The following CNTNAP5 variants were observed in gnomAD, a reference collection of about 807,000 sequenced individuals.
CNTNAP5 encodes contactin associated protein family member 5.
A neutral mutation model predicts 150.2 loss-of-function variants in CNTNAP5; 72 were observed. The ratio of observed to expected loss-of-function variants is 0.48; its 90% CI spans 0.40 to 0.58. The LOEUF (loss-of-function observed/expected upper bound fraction) is 0.58, where lower values mean the gene tolerates loss of function less well. Among genes scored for constraint, CNTNAP5 ranks in the 20% least tolerant of loss-of-function variants. CNTNAP5 has a pLI of 0.00. For missense variants in CNTNAP5, 1,636 were observed against 1,626.2 expected, an observed-to-expected ratio of 1.01 and a Z score of -0.10; for synonymous variants, 672 against 619.8, an observed-to-expected ratio of 1.08 and a Z score of -1.25.
At chr2:124,044,125 G>A (rs1189422665) in intron 1 of CNTNAP5, among the ~76,000 whole-genome samples, 1 of 152,168 alleles carries the variant, frequency 6.6e-6, no homozygotes, top group Non-Finnish European at 1.5e-5. Flanking sequence ...TGCAATCAAT[G>A]AGAAGAATTA....
intron 1 of CNTNAP5, among the ~76,000 whole-genome samples, chr2:124,162,535 C>T (rs995504565): frequency 6.6e-6 from 1 of 152,072 alleles, no homozygotes; most frequent in South Asian, 2.1e-4. Flanking sequence ...GCAGATAAAA[C>T]CCTTATCATT....
chr2:124,414,703 A>ATGTGTGTATGTG (rs1691872230), intron 3 of CNTNAP5, among the ~76,000 whole-genome samples: 3 of 149,316 alleles, frequency 2.0e-5, no homozygotes. Context: ...TTGTTTTAAG[A>ATGTGTGTATGTG]TGTGTGTATG....
chr2:124,727,517 G>A (rs1435340323), intron 13 of CNTNAP5, among the ~76,000 whole-genome samples: 1 of 151,904 alleles, frequency 6.6e-6, no homozygotes, highest in Admixed American at 6.6e-5. Context: ...AGTATTCAGT[G>A]TACAGGTCTT....
In CNTNAP5 at chr2:124,758,219, G is replaced by A. The variant is rs181044442; in HGVS notation, c.2235-5453G>A. ...AAATTGTTAATTAAGAGTGAGGGAG[G>A]AAGTAAGAAAGAAATGAAGACTCTT... On this transcript the variant is annotated intron_variant, in intron 14 of 23. Coordinates refer to ENST00000682447, the MANE Select transcript of CNTNAP5 (RefSeq NM_001367498.1). 2.2e-4 allele frequency among the ~76,000 whole-genome samples: 34 copies of A among 151,838 alleles called. No homozygotes were observed. The Middle Eastern group carries it at 0.01, about 46-fold the overall frequency.
At chr2:124,460,650 G>A (rs143050248) in intron 6 of CNTNAP5, among the ~76,000 whole-genome samples, 2 of 152,182 alleles carry the variant, frequency 1.3e-5, no homozygotes, top group African/African-American at 4.8e-5. Flanking sequence ...TTATTTCTGT[G>A]AATTATAAAT....
chr2:124,496,434 T>C (rs948734687), intron 7 of CNTNAP5, among the ~76,000 whole-genome samples: 3 of 152,252 alleles, frequency 2.0e-5, no homozygotes, highest in South Asian at 2.1e-4. Flanking sequence ...AAATGCTTGA[T>C]TGGCTTTGTT....
chr2:124,803,100 G>C (rs956566616), intron 19 of CNTNAP5, among the ~76,000 whole-genome samples: 2 of 147,054 alleles, frequency 1.4e-5, no homozygotes, highest in Non-Finnish European at 3.0e-5. Context: ...GGGCGACAGA[G>C]CAAGACTCCT....
rs1003926519 is a variant in CNTNAP5, at chr2:124,743,583, A to C, written c.2078-3646A>C. On this transcript the variant is annotated intron_variant, in intron 13 of 23. Transcript: ENST00000682447. ...ACTTGCAGGGAGGTCATGGTGGTGC[A>C]GACAGCATGTCGACTGAATCCGTCT... Among the ~76,000 whole-genome samples the C allele has an allele frequency of 2.6e-5, 4 of 152,174 alleles. 1 individual carries two copies. Among genetic ancestry groups the C allele is most frequent in the Non-Finnish European group, 4.4e-5 (3 of 68,034 alleles).
At chr2:124,047,693 G>T (rs1681574894) in intron 1 of CNTNAP5, among the ~76,000 whole-genome samples, 1 of 152,182 alleles carries the variant, frequency 6.6e-6, no homozygotes. Flanking sequence ...GCATGAAAAA[G>T]TGCAGTCAGT....
intron 1 of CNTNAP5, among the ~76,000 whole-genome samples, chr2:124,206,787 AG>A (rs1312909793): frequency 6.6e-6 from 1 of 152,186 alleles, no homozygotes; most frequent in Non-Finnish European, 1.5e-5. Context: ...GAAAATCAAA[AG>A]CTGTTTCCTG....
intron 2 of CNTNAP5, among the ~76,000 whole-genome samples, chr2:124,228,488 G>A (rs906614426): frequency 1.3e-5 from 2 of 152,050 alleles, no homozygotes; most frequent in African/African-American, 4.8e-5. Context: ...TAAAACTTGG[G>A]GGTTATACCT....
At chr2:124,777,691 A>C (rs1681355476) in intron 17 of CNTNAP5, among the ~76,000 whole-genome samples, 3 of 150,790 alleles carry the variant, frequency 2.0e-5, no homozygotes, top group African/African-American at 7.3e-5. Context: ...TTTGTCTACA[A>C]CTTCTTCTGC....
At chr2:124,053,954 T>G (rs1476322011) in intron 1 of CNTNAP5, among the ~76,000 whole-genome samples, 2 of 152,166 alleles carry the variant, frequency 1.3e-5, no homozygotes, top group African/African-American at 4.8e-5. Flanking sequence ...GTGGCAGGCC[T>G]TGGAACCCAT....
At chr2:124,735,467 T>A (rs991699645) in intron 13 of CNTNAP5, among the ~76,000 whole-genome samples, 1 of 152,086 alleles carries the variant, frequency 6.6e-6, no homozygotes, top group East Asian at 1.9e-4. Flanking sequence ...GTTTTTTAGA[T>A]AAATCAATAG....
At position 124,703,932 on chromosome 2, in the gene CNTNAP5, T is replaced by C. The variant is rs77182718; in HGVS notation, c.2078-43297T>C. 9.1e-3 allele frequency among the ~76,000 whole-genome samples: 1,391 copies of C among 152,226 alleles called. 16 individuals carry two copies. The highest frequency in any genetic ancestry group is 0.033 in the East Asian group (171 of 5,172). On this transcript the variant is annotated intron_variant, in intron 13 of 23. Transcript: ENST00000682447. ...GGGGTTTAAAGAAAGTGTCCTAGAT[T>C]TAGATATGAGTTTTTAAATTTCCAT...
intron 17 of CNTNAP5, among the ~76,000 whole-genome samples, chr2:124,786,850 T>C (rs1479454454): frequency 1.3e-5 from 2 of 152,184 alleles, no homozygotes; most frequent in Admixed American, 6.5e-5. Flanking sequence ...ATTATTCTCT[T>C]TATAAAGAAA....
At chr2:124,855,178 T>G (rs1677341533) in intron 19 of CNTNAP5, among the ~76,000 whole-genome samples, 3 of 90,454 alleles carry the variant, frequency 3.3e-5, no homozygotes, top group African/African-American at 1.8e-4. Flanking sequence ...TTTTTTTTTT[T>G]TTTTTTTTTT....
intron 3 of CNTNAP5, among the ~76,000 whole-genome samples, chr2:124,320,109 G>A (rs140596364): frequency 1.6e-4 from 24 of 152,176 alleles, no homozygotes; most frequent in Middle Eastern, 3.4e-3. Context: ...CATTTACGTC[G>A]TAACATACAA....
rs73956318 is a variant in CNTNAP5, at chr2:124,544,441, A to G, written c.1649+16985A>G. On this transcript the variant is annotated intron_variant, in intron 10 of 23. Coordinates refer to ENST00000682447, the MANE Select transcript of CNTNAP5 (RefSeq NM_001367498.1). ...ATAGAAATAACAATTGTACACTCCC[A>G]TAGTTCTTAATCCTCTTCTCAGACT... Among the ~76,000 whole-genome samples the G allele has an allele frequency of 5.8e-3, 877 of 152,304 alleles. 8 individuals are homozygous for G. The highest frequency in any genetic ancestry group is 0.019 in the African/African-American group (800 of 41,576).
Sources: allele counts gnomAD v4.1 joint callset (sites outside exome capture counted in the v4.1 genomes callset), GRCh38; gene constraint gnomAD v4.1.1; transcripts MANE v1.5; gene names NCBI Gene and HGNC (gene_info 2026-07-23, HGNC 2026-07-21).